The following ZNF214 variants were observed in gnomAD, a reference collection of about 807,000 sequenced individuals.
ZNF214 encodes zinc finger protein 214.
Under a neutral mutation model 53.9 loss-of-function variants are expected in ZNF214, and 43 were observed. The ratio of observed to expected loss-of-function variants is 0.80; its 90% confidence interval spans 0.63 to 1.03. The LOEUF (loss-of-function observed/expected upper bound fraction) is 1.03, where lower values mean the gene tolerates loss of function less well. Ranked by LOEUF, ZNF214 falls within the 50% of genes least tolerant of loss-of-function variation. ZNF214 has a pLI of 0.00. For synonymous variants in ZNF214, 217 were observed against 229.5 expected (o/e 0.95, Z 0.49); for missense variants, 724 against 719.1 (o/e 1.01, Z -0.08).
chr11:7,017,769 A>C (rs1049113260), intron 1 of ZNF214, among the ~76,000 whole-genome samples: 1 of 151,784 alleles, frequency 6.6e-6, no homozygotes, highest in East Asian at 1.9e-4. Flanking sequence ...TAAATAAAGC[A>C]TACTATATAC....
chr11:7,016,541 C>T (rs1018054236), intron 1 of ZNF214, among the ~76,000 whole-genome samples: 5 of 152,056 alleles, frequency 3.3e-5, no homozygotes, highest in South Asian at 4.1e-4. Context: ...TTCTTCATTG[C>T]GTATTAAATG....
chr11:7,003,353 T>C (rs1254675057), intron 1 of ZNF214, among the ~76,000 whole-genome samples: 1 of 151,978 alleles, frequency 6.6e-6, no homozygotes, highest in Non-Finnish European at 1.5e-5. Context: ...AGGAAACAGA[T>C]ACTTTTAAGG....
At chr11:7,008,955 A>C (rs1851539750) in intron 1 of ZNF214, among the ~76,000 whole-genome samples, 1 of 152,170 alleles carries the variant, frequency 6.6e-6, no homozygotes, top group African/African-American at 2.4e-5. Flanking sequence ...CAAATGGAAA[A>C]ACATTCTATG....
At chr11:7,010,633 C>A in intron 1 of ZNF214, among the ~76,000 whole-genome samples, 1 of 94,986 alleles carries the variant, frequency 1.1e-5, no homozygotes. Flanking sequence ...AAACCATCCC[C>A]CATTAAAAAA....
chr11:7,004,849 A>G (rs971021386), intron 1 of ZNF214, among the ~76,000 whole-genome samples: 3 of 152,062 alleles, frequency 2.0e-5, no homozygotes, highest in East Asian at 3.9e-4. Context: ...ACTTCATGAG[A>G]CACCTTGAGA....
At position 7,000,794 on chromosome 11, in the gene ZNF214, G is replaced by A. The variant is rs938376292; in HGVS notation, c.889C>T (p.His297Tyr). Reference sequence around the variant, plus strand: ...CAGCTATAAGGTACCTCCCCTATGTGAACTCTCTGATGAAAGTGAACTCCG... The same window carrying A: ...CAGCTATAAGGTACCTCCCCTATGTAAACTCTCTGATGAAAGTGAACTCCG... ...SSGVHFHQRV[H>Y]IGEVPYSCNA... Residue 297 changes from histidine to tyrosine, a missense_variant, in exon 3 of 3, where the codon CAC becomes TAC. Physicochemically the swap from His to Tyr is moderately conservative, Grantham distance 83. Coordinates refer to ENST00000278314, the MANE Select transcript of ZNF214 (RefSeq NM_013249.4). 5 of 1,610,888 alleles carry A rather than the reference G, an allele frequency of 3.1e-6. No homozygotes were observed. The highest frequency in any genetic ancestry group is 1.7e-5 in the Admixed American group (1 of 59,854).
chr11:7,019,345 A>G (rs1851854966), intron 1 of ZNF214, among the ~76,000 whole-genome samples: 1 of 152,220 alleles, frequency 6.6e-6, no homozygotes, highest in Admixed American at 6.5e-5. Context: ...ATTTATTTCC[A>G]ACCCTCTAGA....
intron 2 of ZNF214, among the ~76,000 whole-genome samples, chr11:7,002,240 C>T (rs1314198242): frequency 2.6e-5 from 4 of 151,968 alleles, no homozygotes; most frequent in Admixed American, 2.6e-4. Flanking sequence ...GAGCCGACTG[C>T]CCCACATTTG....
In ZNF214 at chr11:7,005,729, G is replaced by T. The variant is rs562821481; in HGVS notation, c.-20-2874C>A. Among the ~76,000 whole-genome samples, 12 of 152,168 alleles carry T rather than the reference G, an allele frequency of 7.9e-5. No homozygotes were observed. In the East Asian group the frequency reaches 9.7e-4, roughly 12 times the overall value. On this transcript the variant is annotated intron_variant, in intron 1 of 2. Coordinates refer to ENST00000278314, the MANE Select transcript of ZNF214 (RefSeq NM_013249.4). ...GATTCTCTTAAACCTTTCACTAAAA[G>T]TTTTAGCAATAGATGATCATTTCCT...
intron 1 of ZNF214, among the ~76,000 whole-genome samples, chr11:7,014,568 G>A (rs774286134): frequency 1.3e-5 from 2 of 152,044 alleles, no homozygotes; most frequent in Non-Finnish European, 2.9e-5. Context: ...AGTTAAAAGC[G>A]CAGGAAAAAA....
At position 7,001,537 on chromosome 11, in the gene ZNF214, T is replaced by G. The variant is rs752032989; in HGVS notation, c.146A>C (p.Tyr49Ser). The change falls in exon 3 of 3, where the codon TAC becomes TCC. Residue 49 changes from tyrosine to serine, a missense_variant. Physicochemically the swap from Tyr to Ser is moderately radical, Grantham distance 144. Transcript: ENST00000278314. ...TCTGAATTTTTCTTCTTGGGATTTG[T>G]AGCTCTCATTCCAGTTTTCTAGAAA... ...VMSVENWNES[Y>S]KSQEEKFRYL... is the part of the protein sequence containing the mutation. 1 of 1,602,174 alleles carries G rather than the reference T, an allele frequency of 6.2e-7. No homozygotes were observed.
intron 1 of ZNF214, among the ~76,000 whole-genome samples, chr11:7,016,285 A>G (rs1851764758): frequency 6.6e-6 from 1 of 152,210 alleles, no homozygotes; most frequent in Non-Finnish European, 1.5e-5. Flanking sequence ...TCTAGTTCAC[A>G]GTATTAAGAA....
intron 1 of ZNF214, among the ~76,000 whole-genome samples, chr11:7,012,277 A>G (rs1054372427): frequency 6.6e-6 from 1 of 152,210 alleles, no homozygotes; most frequent in African/African-American, 2.4e-5. Flanking sequence ...AATCAAAGAC[A>G]GAGGTAAGGA....
rs543007758 is a variant in ZNF214 at position 7,018,595 on chromosome 11, G to T, written c.-21+1478C>A. ...TGGCTCACTGCAACTTCAGCCTCCC[G>T]GGTTCAAGCAATTCTCCTGCTTCAG... On this transcript the variant is annotated intron_variant, in intron 1 of 2. Transcript: ENST00000278314. Among the ~76,000 whole-genome samples, 8 of 143,862 alleles carry T rather than the reference G, an allele frequency of 5.6e-5. No homozygotes were observed. In the South Asian group the frequency reaches 1.8e-3, roughly 32 times the overall value. 94.4% of individuals were successfully genotyped at this position (143,862 alleles called of 152,430 possible). A position where few individuals can be genotyped will look rare whatever the true frequency, so the allele number is the denominator to read the frequency against.
In ZNF214 at chr11:7,002,753, TAG is replaced by T. The variant is rs1851383356; in HGVS notation, c.81_82del (p.Tyr28GlnfsTer19). On this transcript the variant is annotated frameshift_variant, in exon 2 of 3. Coordinates refer to ENST00000278314, the MANE Select transcript of ZNF214 (RefSeq NM_013249.4). LOFTEE classifies it high-confidence loss of function. The stretch of plus-strand genomic sequence containing the variant: ...GTAGTTCTCCCACATGACCTCCCTG[TAG>T]AGTCTTTTTTGAGAAGAATCCAGGA... 3.1e-6 allele frequency: 5 copies of T among 1,610,036 alleles called. No individual in the cohort carries two copies. Among genetic ancestry groups the T allele is most frequent in the Non-Finnish European group, 4.2e-6 (5 of 1,178,142 alleles).
At chr11:7,009,391 T>G (rs777139446) in intron 1 of ZNF214, among the ~76,000 whole-genome samples, 18 of 152,302 alleles carry the variant, frequency 1.2e-4, no homozygotes, top group Non-Finnish European at 1.8e-4. Context: ...AGATTGAAAC[T>G]AGACCCCTTC....
intron 1 of ZNF214, among the ~76,000 whole-genome samples, chr11:7,005,348 C>A (rs1851449868): frequency 2.0e-5 from 3 of 151,668 alleles, no homozygotes; most frequent in African/African-American, 7.3e-5. Flanking sequence ...TACAATAAAT[C>A]TAAACAGAAA....
Position 7,000,132 on chromosome 11 carries a change from C to A in ZNF214, c.1551G>T (p.Gln517His), listed in dbSNP as rs755237311. The A allele has an allele frequency of 1.5e-5, 24 of 1,613,256 alleles. No homozygotes were observed. In the East Asian group the frequency reaches 4.7e-4, roughly 31 times the overall value. The change falls in exon 3 of 3, where the codon CAG becomes CAT. Residue 517 changes from glutamine to histidine, a missense_variant. Coordinates refer to ENST00000278314, the MANE Select transcript of ZNF214 (RefSeq NM_013249.4). ...FSQRSHLLIH[Q>H]RVHTGEKPYK... ...AGGGCTTTTCTCCTGTATGGACTCTCTGATGAATGAGAAGATGTGAACGCT... is the reference window on the plus strand; with the variant it reads ...AGGGCTTTTCTCCTGTATGGACTCTATGATGAATGAGAAGATGTGAACGCT...
At chr11:7,013,492 A>C (rs1851658961) in intron 1 of ZNF214, among the ~76,000 whole-genome samples, 1 of 152,230 alleles carries the variant, frequency 6.6e-6, no homozygotes, top group South Asian at 2.1e-4. Flanking sequence ...TATAAATGCT[A>C]AACTATCGCA....
Sources: gnomAD v4.1 joint callset for allele counts (sites outside exome capture counted in the v4.1 genomes callset) on GRCh38, gnomAD v4.1.1 for gene constraint, MANE v1.5 for transcripts, NCBI Gene and HGNC (gene_info 2026-07-23, HGNC 2026-07-21) for gene names.